Variants in ADGRB3 observed in about 807,000 individuals in gnomAD.
ADGRB3 encodes adhesion G protein-coupled receptor B3, also known as brain-specific angiogenesis inhibitor 3.
ADGRB3 carries 37 observed loss-of-function variants against 193.4 expected under a neutral mutation model. That is an observed-to-expected ratio of 0.19 (90% CI 0.15 to 0.25). The LOEUF is 0.25. Among genes scored for constraint, ADGRB3 ranks in the 10% least tolerant of loss-of-function variants. ADGRB3 has a pLI of 1.00. For synonymous variants in ADGRB3, 690 were observed against 644.2 expected (o/e 1.07, Z -1.08); for missense variants, 1,637 against 1,852.9 (o/e 0.88, Z 2.14).
chr6:69,111,445 G>A (rs1773363379), intron 17 of ADGRB3, among the ~76,000 whole-genome samples: 1 of 152,176 alleles, frequency 6.6e-6, no homozygotes, highest in African/African-American at 2.4e-5. Context: ...ACAGTGTGTA[G>A]CCCTGTTTGC....
rs184703847 is a variant in ADGRB3 at position 69,255,588 on chromosome 6, G to C, written c.2814+16362G>C. Among the ~76,000 whole-genome samples the C allele has an allele frequency of 2.6e-5, 4 of 152,272 alleles. No homozygotes were observed. In the East Asian group the frequency reaches 5.8e-4, roughly 22 times the overall value. On this transcript the variant is annotated intron_variant, in intron 20 of 31. Transcript: ENST00000370598. ...TGTAAATTTGTTTAAGTTCTTTGTA[G>C]ATTCTGGATATTAGCCCTTTTTCAG... is the stretch of plus-strand genomic sequence containing the variant.
chr6:69,246,772 G>A (rs1766506052), intron 20 of ADGRB3, among the ~76,000 whole-genome samples: 1 of 152,210 alleles, frequency 6.6e-6, no homozygotes, highest in South Asian at 2.1e-4. Flanking sequence ...TGAGGGACAA[G>A]GAAGCAGTTT....
At chr6:68,883,959 C>A (rs1323543106) in intron 3 of ADGRB3, among the ~76,000 whole-genome samples, 2 of 152,058 alleles carry the variant, frequency 1.3e-5, no homozygotes, top group Non-Finnish European at 2.9e-5. Flanking sequence ...AGGTTGCTGT[C>A]CTGTCAATGG....
intron 10 of ADGRB3, among the ~76,000 whole-genome samples, chr6:68,992,342 T>G (rs574838872): frequency 6.6e-6 from 1 of 152,108 alleles, no homozygotes; most frequent in South Asian, 2.1e-4. Flanking sequence ...AGCACTGGAG[T>G]TCAGCCTGGT....
chr6:68,790,095 C>T (rs1324032640), intron 3 of ADGRB3, among the ~76,000 whole-genome samples: 1 of 152,152 alleles, frequency 6.6e-6, no homozygotes, highest in South Asian at 2.1e-4. Flanking sequence ...GCCATTCATT[C>T]GAATTTCCTC....
At chr6:69,170,655 G>C (rs16900556) in intron 17 of ADGRB3, among the ~76,000 whole-genome samples, 1 of 152,068 alleles carries the variant, frequency 6.6e-6, no homozygotes, top group Non-Finnish European at 1.5e-5. Context: ...ATATAGAAAA[G>C]GTGTTCTCTG....
At chr6:68,947,501 A>G (rs1377767700) in intron 6 of ADGRB3, among the ~76,000 whole-genome samples, 1 of 152,142 alleles carries the variant, frequency 6.6e-6, no homozygotes, top group Non-Finnish European at 1.5e-5. Flanking sequence ...GACTTTCTTG[A>G]CATGAACATA....
chr6:69,036,692 T>A (rs1247752609), intron 13 of ADGRB3, among the ~76,000 whole-genome samples: 1 of 152,022 alleles, frequency 6.6e-6, no homozygotes, highest in Non-Finnish European at 1.5e-5. Context: ...CATGGATAAG[T>A]ACAAGGAAAG....
rs1357014269 is a variant in ADGRB3, at chr6:69,030,948, CTTTTCTTT to C, written c.2107+12459_2107+12466del. Among the ~76,000 whole-genome samples, 12 of 60,656 alleles carry C rather than the reference CTTTTCTTT, an allele frequency of 2.0e-4. 1 individual carries two copies. The highest frequency in any genetic ancestry group is 5.4e-4 in the African/African-American group (4 of 7,384). The allele number at this position is 60,656 out of a possible 152,430, so 39.8% of individuals were successfully genotyped here. ...ACATTTTGGGTTTTAATTTTCTTTT[CTTTTCTTT>C]TTTTCTTTTCTTTTCTTTTCTTTTC... On this transcript the variant is annotated intron_variant, in intron 13 of 31. Coordinates refer to ENST00000370598, the MANE Select transcript of ADGRB3 (RefSeq NM_001704.3).
chr6:69,040,349 C>CTT (rs1327846038), intron 13 of ADGRB3, among the ~76,000 whole-genome samples: 3 of 53,930 alleles, frequency 5.6e-5, no homozygotes, highest in Non-Finnish European at 1.2e-4. Flanking sequence ...TTCTTTCTTT[C>CTT]TTTCTTTCTT....
At chr6:68,795,386 C>G (rs1483587372) in intron 3 of ADGRB3, among the ~76,000 whole-genome samples, 1 of 151,978 alleles carries the variant, frequency 6.6e-6, no homozygotes, top group Non-Finnish European at 1.5e-5. Flanking sequence ...TAGAAAAGCA[C>G]AGAAATCTCA....
At chr6:69,152,182 A>G (rs1774699427) in intron 17 of ADGRB3, among the ~76,000 whole-genome samples, 1 of 152,186 alleles carries the variant, frequency 6.6e-6, no homozygotes, top group South Asian at 2.1e-4. Context: ...GTGAAGCAAG[A>G]AGTCTTATTT....
At chr6:69,265,137 G>T (rs80077521) in intron 20 of ADGRB3, among the ~76,000 whole-genome samples, 2 of 151,904 alleles carry the variant, frequency 1.3e-5, no homozygotes, top group East Asian at 3.9e-4. Context: ...CGCCCATAGA[G>T]CTTTTTAAAG....
intron 3 of ADGRB3, among the ~76,000 whole-genome samples, chr6:68,890,752 G>T (rs189527684): frequency 3.9e-5 from 6 of 152,210 alleles, no homozygotes; most frequent in Admixed American, 1.3e-4. Flanking sequence ...AAGAATTAAT[G>T]AAAGAAAATG....
chr6:69,341,573 T>G (rs1432919225), intron 26 of ADGRB3, among the ~76,000 whole-genome samples: 1 of 152,174 alleles, frequency 6.6e-6, no homozygotes, highest in East Asian at 1.9e-4. Flanking sequence ...CAAGCCTTAC[T>G]ATTCCCTTAG....
intron 3 of ADGRB3, among the ~76,000 whole-genome samples, chr6:68,836,976 G>T (rs948948451): frequency 2.0e-5 from 3 of 152,202 alleles, no homozygotes; most frequent in Middle Eastern, 3.4e-3. Flanking sequence ...TGCCTTTTGA[G>T]GATCTTAATT....
At chr6:68,827,515 T>C (rs1331768849) in intron 3 of ADGRB3, among the ~76,000 whole-genome samples, 1 of 151,392 alleles carries the variant, frequency 6.6e-6, no homozygotes, top group Non-Finnish European at 1.5e-5. Flanking sequence ...AAACTGATAA[T>C]ATGGGAGAGA....
chr6:68,884,555 A>G (rs528029201), intron 3 of ADGRB3, among the ~76,000 whole-genome samples: 1 of 152,114 alleles, frequency 6.6e-6, no homozygotes, highest in African/African-American at 2.4e-5. Flanking sequence ...TGAGACATGA[A>G]ATCACCCAGA....
At chr6:68,968,207 C>A (rs1294582179) in intron 8 of ADGRB3, among the ~76,000 whole-genome samples, 2 of 152,094 alleles carry the variant, frequency 1.3e-5, no homozygotes, top group Non-Finnish European at 2.9e-5. Context: ...ATTCCGCAGC[C>A]GGCCCAGTAA....
Sources: gnomAD v4.1 joint callset for allele counts (sites outside exome capture counted in the v4.1 genomes callset) on GRCh38, gnomAD v4.1.1 for gene constraint, MANE v1.5 for transcripts, NCBI Gene and HGNC (gene_info 2026-07-23, HGNC 2026-07-21) for gene names.